The following SUGP1 variants were observed in gnomAD, a reference collection of about 807,000 sequenced individuals.
SUGP1 encodes SURP and G-patch domain containing 1, also known as SURP and G-patch domain-containing protein 1.
In SUGP1, 34 loss-of-function variants were observed where a neutral mutation model predicts 76.5. The observed-to-expected ratio is 0.44, with a 90% confidence interval of 0.34 to 0.59. SUGP1 has a LOEUF of 0.59. SUGP1 is among the 20% of genes least tolerant of loss of function. The pLI, the probability that SUGP1 is intolerant of heterozygous loss-of-function variation, is 0.01. For missense variants in SUGP1, 752 were observed against 851.7 expected (o/e 0.88, Z 1.46); for synonymous variants, 326 against 326.2 (o/e 1.00, Z 0.01).
chr19:19,276,585 G>A lies in SUGP1; in HGVS notation c.*63C>T. The A allele has an allele frequency of 6.2e-7, 1 of 1,604,096 alleles. No individual in the cohort carries two copies. Among genetic ancestry groups the A allele is most frequent in the Non-Finnish European group, 8.5e-7 (1 of 1,171,592 alleles). On this transcript the variant is annotated 3_prime_UTR_variant, in exon 14 of 14. Coordinates refer to ENST00000247001, the MANE Select transcript of SUGP1 (RefSeq NM_172231.4). The stretch of plus-strand genomic sequence containing the variant: ...AACGGAAGGGGTGGGCAGAAATGCA[G>A]GCCGGAACATTCCACAGTCCAGGGA...
At chr19:19,306,569 T>C (rs1311750262) in intron 3 of SUGP1, among the ~76,000 whole-genome samples, 1 of 152,230 alleles carries the variant, frequency 6.6e-6, no homozygotes, top group Non-Finnish European at 1.5e-5. Flanking sequence ...TTCTTAGCTG[T>C]TCCCTGGGAA....
chr19:19,284,921 C>T (rs894442559), intron 8 of SUGP1, among the ~76,000 whole-genome samples: 3 of 151,442 alleles, frequency 2.0e-5, no homozygotes, highest in South Asian at 2.1e-4. Flanking sequence ...TCGCCCAGGC[C>T]GGACTGCAGT....
At chr19:19,292,673 A>C (rs2061194894) in intron 8 of SUGP1, among the ~76,000 whole-genome samples, 1 of 152,222 alleles carries the variant, frequency 6.6e-6, no homozygotes, top group African/African-American at 2.4e-5. Context: ...TTTCAAAAAA[A>C]AAGAAAAAGA....
At chr19:19,287,715 T>C (rs1050750569) in intron 8 of SUGP1, among the ~76,000 whole-genome samples, 5 of 152,030 alleles carry the variant, frequency 3.3e-5, no homozygotes, top group African/African-American at 1.2e-4. Flanking sequence ...GAAAAGAAAA[T>C]GACAATCTGG....
intron 3 of SUGP1, among the ~76,000 whole-genome samples, chr19:19,307,866 C>T (rs1186113373): frequency 2.0e-5 from 3 of 151,906 alleles, no homozygotes; most frequent in African/African-American, 7.3e-5. Context: ...GGTTTTACCA[C>T]ATTGGCCAGG....
At chr19:19,311,486 G>A (rs1343591749) in intron 2 of SUGP1, among the ~76,000 whole-genome samples, 1 of 152,044 alleles carries the variant, frequency 6.6e-6, no homozygotes, top group African/African-American at 2.4e-5. Flanking sequence ...CCAGCACTTT[G>A]GGAGGCCGAG....
rs1360283108 is a variant in SUGP1 at position 19,276,667 on chromosome 19, G to C, written c.1919C>G (p.Pro640Arg). ...YRFRPNPLNN[P>R]RRPYY ...GAACACTCAGTAGTAAGGCCGTCTG[G>C]GATTGTTCTGTGGAAGGCAAAACAG... is the stretch of plus-strand genomic sequence containing the variant. Residue 640 changes from proline to arginine, a missense_variant, in exon 14 of 14, where the codon CCC (proline) becomes CGC (arginine). Pro to Arg is a moderately radical substitution (Grantham distance 103, BLOSUM62 -2). Coordinates refer to ENST00000247001, the MANE Select transcript of SUGP1 (RefSeq NM_172231.4). 6.2e-7 allele frequency: 1 copy of C among 1,614,154 alleles called. No individual in the cohort carries two copies. Among genetic ancestry groups the C allele is most frequent in the African/African-American group, 1.3e-5 (1 of 75,052 alleles).
At chr19:19,310,313 AC>A in intron 2 of SUGP1, 113 bp from the exon 3 acceptor site, 1 of 787,898 alleles carries the variant, frequency 1.3e-6, no homozygotes, top group Non-Finnish European at 2.2e-6. Context: ...CCCCTAACTC[AC>A]CCCAGCACTC....
chr19:19,282,779 A>C (rs1382288690), intron 8 of SUGP1, among the ~76,000 whole-genome samples: 1 of 152,136 alleles, frequency 6.6e-6, no homozygotes, highest in African/African-American at 2.4e-5. Context: ...AAAAAAAATC[A>C]AGAAAAAGTT....
In SUGP1 at chr19:19,280,282, A is replaced by G; in HGVS notation, c.1253T>C (p.Leu418Pro). The change falls in exon 9 of 14, where the codon CTC becomes CCC. Residue 418 changes from leucine (L) to proline (P), a missense_variant. By Grantham distance (98) the Leu-to-Pro change is moderately conservative. This residue lies in a region of SUGP1 where 620 missense variants were observed against 617.3 expected (regional missense o/e 1.00). Transcript: ENST00000247001. Reference sequence around the variant, plus strand: ...CCCCTTCTCATAGCCGAGCCCCTTGAGGTCCTGAACTGGAAACCAAAGACA... The same window carrying G: ...CCCCTTCTCATAGCCGAGCCCCTTGGGGTCCTGAACTGGAAACCAAAGACA... ...ASPSPLSVQD[L>P]KGLGYEKGKP... is the part of the protein sequence containing the mutation. 1 of 1,613,840 alleles carries G rather than the reference A, an allele frequency of 6.2e-7. No individual in the cohort carries two copies. Among genetic ancestry groups the G allele is most frequent in the Non-Finnish European group, 8.5e-7 (1 of 1,179,964 alleles).
intron 8 of SUGP1, among the ~76,000 whole-genome samples, chr19:19,293,491 G>A (rs553115983): frequency 1.3e-5 from 2 of 152,098 alleles, no homozygotes; most frequent in South Asian, 4.2e-4. Context: ...GGCTGAGGCA[G>A]GAGAATTGCT....
rs1394472700 is a variant in SUGP1, at chr19:19,297,280, T to C, written c.952A>G (p.Lys318Glu). Residue 318 changes from lysine (K) to glutamate (E), a missense_variant, in exon 8 of 14, where the codon AAA becomes GAA. Physicochemically the swap from Lys to Glu is moderately conservative, Grantham distance 56. Around this residue, in one of 2 missense-constraint regions of SUGP1, gnomAD observed 620 missense variants for 617.3 expected, o/e 1.00. Transcript: ENST00000247001. Reference sequence around the variant, plus strand: ...CTGCCTGTGGAGCTGGCCTTGGCTTTCCGGAACTCCTCCAGCTTCTGTCGG... The same window carrying C: ...CTGCCTGTGGAGCTGGCCTTGGCTTCCCGGAACTCCTCCAGCTTCTGTCGG... ...YYRQKLEEFR[K>E]AKASSTGSFT... 1 of 1,554,534 alleles carries C rather than the reference T, an allele frequency of 6.4e-7. No individual in the cohort carries two copies. Among genetic ancestry groups the C allele is most frequent in the Non-Finnish European group, 8.7e-7 (1 of 1,146,102 alleles).
chr19:19,309,728 A>G (rs1439440078), intron 3 of SUGP1, among the ~76,000 whole-genome samples: 1 of 152,090 alleles, frequency 6.6e-6, no homozygotes, highest in Admixed American at 6.6e-5. Context: ...GGATAACATG[A>G]TGAAACCCCA....
At position 19,296,971 on chromosome 19, in the gene SUGP1, G is replaced by A. The variant is rs143869423; in HGVS notation, c.1243+18C>T. 1.0e-3 allele frequency: 1,594 copies of A among 1,545,426 alleles called. 12 individuals carry two copies. In the African/African-American group the frequency reaches 0.02, roughly 19 times the overall value. The stretch of plus-strand genomic sequence containing the variant: ...GTCAGACCCTTCCAACACAGGGAGG[G>A]GGAGAGGGTCTGCCCACCTGACAGA... On this transcript the variant is annotated intron_variant, in intron 8 of 13. Transcript: ENST00000247001.
In SUGP1 at chr19:19,276,809, G is replaced by T; in HGVS notation, c.1912-135C>A. The T allele has an allele frequency of 1.9e-6, 3 of 1,538,480 alleles. No homozygotes were observed. The South Asian group carries it at 3.5e-5, about 18-fold the overall frequency. On this transcript the variant is annotated intron_variant, in intron 13 of 13. Transcript: ENST00000247001. ...GGGCAGGCTTGGGGGACGGGTGGGGGCTTGAATGCAGGTGGGTGGTAGGGG... is the reference window on the plus strand; with the variant it reads ...GGGCAGGCTTGGGGGACGGGTGGGGTCTTGAATGCAGGTGGGTGGTAGGGG...
chr19:19,292,604 G>A (rs1298153755), intron 8 of SUGP1, among the ~76,000 whole-genome samples: 3 of 152,074 alleles, frequency 2.0e-5, no homozygotes, highest in Non-Finnish European at 2.9e-5. Flanking sequence ...GGTGGAGATT[G>A]CAGTAAGCTG....
chr19:19,285,363 C>G (rs1252046956), intron 8 of SUGP1, among the ~76,000 whole-genome samples: 1 of 152,094 alleles, frequency 6.6e-6, no homozygotes, highest in African/African-American at 2.4e-5. Context: ...GATGGGGTTT[C>G]ACCATGTTGG....
rs779289393 is a variant in SUGP1, at chr19:19,296,999, C to G, written c.1233G>C (p.Ser411=). The G allele has an allele frequency of 2.2e-5, 35 of 1,577,374 alleles. No homozygotes were observed. The South Asian group carries it at 3.7e-4, about 17-fold the overall frequency. The part of the protein sequence containing the change: ...LVQRDVDASP[S]PLSVQDLKGL... The stretch of plus-strand genomic sequence containing the variant: ...AGAGGGTCTGCCCACCTGACAGAGG[C>G]GAGGGAGAGGCATCCACGTCCCTCT... Residue 411 remains serine (S), a synonymous_variant, in exon 8 of 14, where the codon TCG becomes TCC. Transcript: ENST00000247001.
chr19:19,289,335 C>T (rs2061164320), intron 8 of SUGP1, among the ~76,000 whole-genome samples: 1 of 152,064 alleles, frequency 6.6e-6, no homozygotes, highest in South Asian at 2.1e-4. Flanking sequence ...GGCATGGTGG[C>T]TCACACCTGT....
Sources: allele counts gnomAD v4.1 joint callset (sites outside exome capture counted in the v4.1 genomes callset), GRCh38; gene constraint gnomAD v4.1.1; regional missense constraint gnomAD v4.1.1; transcripts MANE v1.5; gene names NCBI Gene and HGNC (gene_info 2026-07-23, HGNC 2026-07-21).